FOXK2: variants seen among roughly 807,000 people sequenced by gnomAD.
FOXK2 encodes forkhead box protein K2.
FOXK2 carries 24 observed loss-of-function variants against 53.3 expected under a neutral mutation model. The observed-to-expected ratio is 0.45, with a 90% CI of 0.33 to 0.63. FOXK2 has a LOEUF of 0.63. Ranked by LOEUF, FOXK2 falls within the 30% of genes least tolerant of loss-of-function variation. The pLI is 0.03. For synonymous variants in FOXK2, 505 were observed against 407.1 expected (o/e 1.24, Z -2.89); for missense variants, 952 against 910.5 (o/e 1.05, Z -0.59).
chr17:82,524,635 A>G (rs1451774687), intron 1 of FOXK2, among the ~76,000 whole-genome samples: 1 of 152,180 alleles, frequency 6.6e-6, no homozygotes, highest in Admixed American at 6.6e-5. Context: ...TGGCTTCTTC[A>G]AGTCCTTGAT....
Position 82,585,872 on chromosome 17 carries a change from G to A in FOXK2, c.1280-32G>A, listed in dbSNP as rs375130797. The A allele has an allele frequency of 1.8e-5, 29 of 1,589,602 alleles. No individual in the cohort carries two copies. The African/African-American group carries it at 3.1e-4, about 17-fold the overall frequency. On this transcript the variant is annotated intron_variant, in intron 6 of 8. Coordinates refer to ENST00000335255, the MANE Select transcript of FOXK2 (RefSeq NM_004514.4). ...CCTTTGTTTGTAGAAGTCAGTATCTGTAAGTGTCAGTCCTGCTGTGTCTTT... is the reference window on the plus strand; with the variant it reads ...CCTTTGTTTGTAGAAGTCAGTATCTATAAGTGTCAGTCCTGCTGTGTCTTT...
intron 4 of FOXK2, chr17:82,578,492 T>C (rs768559102): frequency 2.6e-5 from 4 of 152,256 alleles, no homozygotes; most frequent in Non-Finnish European, 5.9e-5. Context: ...TTTTAATACA[T>C]GTAGCAACAG....
chr17:82,599,372 C>G (rs1301079381), intron 8 of FOXK2: 3 of 152,282 alleles, frequency 2.0e-5, no homozygotes, highest in Non-Finnish European at 4.4e-5. Context: ...TTCCAAAGTG[C>G]TGGGATTACA....
Position 82,563,411 on chromosome 17 carries a change from C to G in FOXK2, c.477C>G (p.Ser159Arg), listed in dbSNP as rs752637649. ...AGATAACGTTCACTGCCCTGTCCAG[C>G]GAGAAGAGAGAGAAGCAGGAGGCGT... ...NIKITFTALS[S>R]EKREKQEASE... The change falls in exon 2 of 9, where the codon AGC becomes AGG. Residue 159 changes from serine (S) to arginine (R), a missense_variant. This residue lies in a region of FOXK2 where 76 missense variants were observed against 128.2 expected (regional missense o/e 0.59). Coordinates refer to ENST00000335255, the MANE Select transcript of FOXK2 (RefSeq NM_004514.4). 5.0e-6 allele frequency: 8 copies of G among 1,614,006 alleles called. No individual in the cohort carries two copies. In the African/African-American group the frequency reaches 1.1e-4, roughly 22 times the overall value.
rs755702639 is a variant in FOXK2, at chr17:82,585,929, C to T, written c.1305C>T (p.Val435=). ...GGTCACCTCTGTCCAGTCAGCCAGT[C>T]TTAATCACCGTCCAGCGGCAGCTAC... is the stretch of plus-strand genomic sequence containing the variant. ...APGSPLSSQP[V]LITVQRQLPQ... Residue 435 remains valine, a synonymous_variant, in exon 7 of 9, where the codon GTC becomes GTT. Transcript: ENST00000335255. 6.2e-7 allele frequency: 1 copy of T among 1,612,404 alleles called. No homozygotes were observed. Among genetic ancestry groups the T allele is most frequent in the Non-Finnish European group, 8.5e-7 (1 of 1,179,642 alleles).
rs1472825188 is a variant in FOXK2, at chr17:82,582,829, G to C, written c.998G>C (p.Arg333Thr). The C allele has an allele frequency of 1.2e-6, 2 of 1,613,310 alleles. No individual in the cohort carries two copies. Among genetic ancestry groups the C allele is most frequent in the Non-Finnish European group, 1.7e-6 (2 of 1,179,878 alleles). The change falls in exon 5 of 9, where the codon AGG (arginine) becomes ACG (threonine). Residue 333 changes from arginine (R) to threonine (T), a missense_variant. Physicochemically the swap from Arg to Thr is moderately conservative, Grantham distance 71. Coordinates refer to ENST00000335255, the MANE Select transcript of FOXK2 (RefSeq NM_004514.4). Reference sequence around the variant, plus strand: ...GAACCAGGCAAAGGCTCGTTCTGGAGGATAGACCCAGCCTCTGAAAGCAAA... The same window carrying C: ...GAACCAGGCAAAGGCTCGTTCTGGACGATAGACCCAGCCTCTGAAAGCAAA... ...QEEPGKGSFW[R>T]IDPASESKLI...
At chr17:82,544,520 G>A (rs558721842) in intron 1 of FOXK2, among the ~76,000 whole-genome samples, 9 of 152,114 alleles carry the variant, frequency 5.9e-5, no homozygotes, top group South Asian at 2.1e-4. Flanking sequence ...GTGTGTACTG[G>A]GTATGATTTC....
intron 1 of FOXK2, among the ~76,000 whole-genome samples, chr17:82,528,844 A>C (rs1262154572): frequency 6.6e-6 from 1 of 152,208 alleles, no homozygotes; most frequent in Non-Finnish European, 1.5e-5. Flanking sequence ...TTGTCATTTG[A>C]GATGGAATGC....
At position 82,568,156 on chromosome 17, in the gene FOXK2, A is replaced by T; in HGVS notation, c.717A>T (p.Ser239=). 1.2e-6 allele frequency: 2 copies of T among 1,613,628 alleles called. No individual in the cohort carries two copies. Among genetic ancestry groups the T allele is most frequent in the Non-Finnish European group, 1.7e-6 (2 of 1,179,992 alleles). The change falls in exon 3 of 9, where the codon TCA becomes TCT. Residue 239 remains serine, a synonymous_variant. Coordinates refer to ENST00000335255, the MANE Select transcript of FOXK2 (RefSeq NM_004514.4). ...ACCTCAATTTAATGGCTGACAACTC[A>T]CAGCCTGAAAATGAAAAGGAAGCTT... The part of the protein sequence containing the change: ...PSDLNLMADN[S]QPENEKEASG...
At position 82,588,087 on chromosome 17, in the gene FOXK2, T is replaced by C. The variant is rs115359366; in HGVS notation, c.1786+815T>C. On this transcript the variant is annotated intron_variant, in intron 8 of 8. Transcript: ENST00000335255. ...GAACAGAGACCTTGAAACCTGCAGG[T>C]ACCTCCTACTCTGACTCAGCACCAC... 1.8e-3 allele frequency among the ~76,000 whole-genome samples: 274 copies of C among 152,204 alleles called. 1 individual carries two copies. The highest frequency in any genetic ancestry group is 6.2e-3 in the African/African-American group (257 of 41,548).
chr17:82,575,492 A>G (rs1465198721), intron 4 of FOXK2, among the ~76,000 whole-genome samples: 2 of 152,236 alleles, frequency 1.3e-5, no homozygotes, highest in Admixed American at 6.5e-5. Context: ...GTGGATAAGC[A>G]TGGAAGTCCC....
At chr17:82,588,585 A>T (rs1159002006) in intron 8 of FOXK2, among the ~76,000 whole-genome samples, 2 of 152,110 alleles carry the variant, frequency 1.3e-5, no homozygotes. Flanking sequence ...TGTCAGAATC[A>T]CCCAGAAGGC....
At chr17:82,574,916 T>C (rs1477987302) in intron 4 of FOXK2, among the ~76,000 whole-genome samples, 1 of 152,262 alleles carries the variant, frequency 6.6e-6, no homozygotes, top group Middle Eastern at 3.2e-3. Flanking sequence ...TTACGTCCTA[T>C]GATTTGATTT....
At chr17:82,542,422 T>C (rs1163208236) in intron 1 of FOXK2, among the ~76,000 whole-genome samples, 2 of 152,142 alleles carry the variant, frequency 1.3e-5, no homozygotes, top group Admixed American at 6.5e-5. Flanking sequence ...GTCTCTGGCC[T>C]CCCAAAGTGC....
chr17:82,531,203 T>A (rs1394630859), intron 1 of FOXK2, among the ~76,000 whole-genome samples: 2 of 152,184 alleles, frequency 1.3e-5, no homozygotes, highest in African/African-American at 2.4e-5. Context: ...CTGGGTGACC[T>A]CCTCCAGGAA....
intron 8 of FOXK2, among the ~76,000 whole-genome samples, chr17:82,593,050 C>T (rs7208215): frequency 0.029 from 4,088 of 140,094 alleles, 250 homozygotes; most frequent in African/African-American, 0.11. Flanking sequence ...CTTCCTGTAC[C>T]GGGCACAGGC....
intron 8 of FOXK2, among the ~76,000 whole-genome samples, chr17:82,595,067 C>A (rs927989911): frequency 6.6e-6 from 1 of 152,190 alleles, no homozygotes; most frequent in Non-Finnish European, 1.5e-5. Flanking sequence ...GGAATAGAAA[C>A]GCAAGCCGGC....
intron 4 of FOXK2, among the ~76,000 whole-genome samples, chr17:82,579,796 T>C (rs1482326705): frequency 2.8e-4 from 21 of 75,498 alleles, no homozygotes; most frequent in African/African-American, 1.1e-3. Context: ...ACACATGGCC[T>C]AGCCCTCCTC....
intron 6 of FOXK2, among the ~76,000 whole-genome samples, chr17:82,585,668 G>A (rs1229483487): frequency 6.6e-6 from 1 of 152,122 alleles, no homozygotes; most frequent in Non-Finnish European, 1.5e-5. Context: ...GGGGTTACCA[G>A]ATATCTAAAT....
Sources: allele counts gnomAD v4.1 joint callset (sites outside exome capture counted in the v4.1 genomes callset), GRCh38; gene constraint gnomAD v4.1.1; regional missense constraint gnomAD v4.1.1; transcripts MANE v1.5; gene names NCBI Gene and HGNC (gene_info 2026-07-23, HGNC 2026-07-21).